MNAT1: variants seen among roughly 807,000 people sequenced by gnomAD.
MNAT1 encodes MNAT1 component of CDK activating kinase, also known as CDK-activating kinase assembly factor MAT1.
In MNAT1, 43 loss-of-function variants were observed where a neutral mutation model predicts 42.0. That is an observed-to-expected ratio of 1.02 (90% CI 0.80 to 1.32). MNAT1 has a LOEUF of 1.32. Ranked by LOEUF, MNAT1 falls within the 40% of genes most tolerant of loss-of-function variation. MNAT1 has a pLI of 0.00. For missense variants in MNAT1, 306 were observed against 350.4 expected, an observed-to-expected ratio of 0.87 and a Z score of 1.01; for synonymous variants, 118 against 120.0, an observed-to-expected ratio of 0.98 and a Z score of 0.11.
chr14:60,785,539 G>T (rs931091688), intron 1 of MNAT1, among the ~76,000 whole-genome samples: 2 of 152,176 alleles, frequency 1.3e-5, no homozygotes, highest in Non-Finnish European at 2.9e-5. Context: ...ATTTCACCTT[G>T]AGTTAAGCAT....
intron 6 of MNAT1, among the ~76,000 whole-genome samples, chr14:60,865,269 A>C (rs1207898140): frequency 6.6e-6 from 1 of 152,096 alleles, no homozygotes; most frequent in Non-Finnish European, 1.5e-5. Flanking sequence ...GTATTTGTAG[A>C]TAATTTTATA....
intron 7 of MNAT1, among the ~76,000 whole-genome samples, chr14:60,921,191 A>G (rs2035651976): frequency 6.6e-6 from 1 of 152,150 alleles, no homozygotes; most frequent in African/African-American, 2.4e-5. Context: ...TTTCAGAAAT[A>G]GAGATTATGA....
At chr14:60,808,511 A>C (rs1265251691) in intron 4 of MNAT1, 83 bp downstream of exon 4, 1 of 807,280 alleles carries the variant, frequency 1.2e-6, no homozygotes, top group African/African-American at 1.8e-5. Context: ...TCTTCCTTTA[A>C]ACCAGTTACA....
At chr14:60,844,818 GA>G (rs2033643506) in intron 6 of MNAT1, among the ~76,000 whole-genome samples, 1 of 151,944 alleles carries the variant, frequency 6.6e-6, no homozygotes, top group South Asian at 2.1e-4. Flanking sequence ...CTAGAGTACT[GA>G]AATTTTTGAA....
chr14:60,965,100 C>G (rs893187526), intron 7 of MNAT1, among the ~76,000 whole-genome samples: 1 of 152,132 alleles, frequency 6.6e-6, no homozygotes, highest in Non-Finnish European at 1.5e-5. Context: ...GCAGGACTCT[C>G]AACGACTCAT....
chr14:60,812,168 C>T, intron 5 of MNAT1, 41 bp downstream of exon 5: 1 of 1,472,514 alleles, frequency 6.8e-7, no homozygotes, highest in Non-Finnish European at 9.0e-7. Flanking sequence ...AAACATTCTT[C>T]AGGATTTACC....
chr14:60,795,255 G>A (rs539617954), intron 1 of MNAT1, among the ~76,000 whole-genome samples: 2 of 152,282 alleles, frequency 1.3e-5, no homozygotes, highest in Admixed American at 6.5e-5. Context: ...AGACTCAGAG[G>A]CTAAAGGAAC....
chr14:60,750,351 C>A (rs1396421216), intron 1 of MNAT1, among the ~76,000 whole-genome samples: 1 of 151,630 alleles, frequency 6.6e-6, no homozygotes, highest in East Asian at 1.9e-4. Context: ...CTCAGCCTCC[C>A]GAGTAGCTGG....
At chr14:60,940,548 G>T (rs2036126830) in intron 7 of MNAT1, among the ~76,000 whole-genome samples, 1 of 152,154 alleles carries the variant, frequency 6.6e-6, no homozygotes, top group African/African-American at 2.4e-5. Flanking sequence ...CTCCCGAGTA[G>T]CTGGGACTAC....
At chr14:60,936,352 T>C (rs1289876061) in intron 7 of MNAT1, among the ~76,000 whole-genome samples, 2 of 151,526 alleles carry the variant, frequency 1.3e-5, no homozygotes, top group Non-Finnish European at 2.9e-5. Flanking sequence ...TAACATTAGG[T>C]ATATCTCCTA....
chr14:60,816,722 A>C (rs1289849264), intron 5 of MNAT1, among the ~76,000 whole-genome samples: 2 of 152,004 alleles, frequency 1.3e-5, no homozygotes, highest in African/African-American at 4.8e-5. Flanking sequence ...CACATAGTTT[A>C]TTTTACTCCA....
intron 1 of MNAT1, among the ~76,000 whole-genome samples, chr14:60,790,164 A>G (rs941408140): frequency 2.6e-4 from 39 of 152,138 alleles, no homozygotes; most frequent in Admixed American, 5.2e-4. Context: ...TTCATAGGTC[A>G]TTGTAAAAAT....
rs759753237 is a variant in MNAT1 at position 60,808,317 on chromosome 14, T to C, written c.317-8T>C. ...ATTTTTCATGTCATCGTTTCCTTTCTAATGCAGTTTTCAACTTGACCAACA... is the reference window on the plus strand; with the variant it reads ...ATTTTTCATGTCATCGTTTCCTTTCCAATGCAGTTTTCAACTTGACCAACA... On this transcript the variant is annotated splice_polypyrimidine_tract_variant and splice_region_variant and intron_variant, in intron 3 of 7. Transcript: ENST00000261245. The C allele has an allele frequency of 6.5e-7, 1 of 1,529,134 alleles. No homozygotes were observed. Among genetic ancestry groups the C allele is most frequent in the Non-Finnish European group, 8.8e-7 (1 of 1,133,704 alleles). 94.7% of individuals were successfully genotyped at this position (1,529,134 alleles called of 1,614,324 possible).
chr14:60,881,002 A>T (rs1230377715), intron 7 of MNAT1, among the ~76,000 whole-genome samples: 1 of 152,228 alleles, frequency 6.6e-6, no homozygotes, highest in East Asian at 1.9e-4. Context: ...AAGAGCCAGA[A>T]TCGTGTATCT....
At chr14:60,887,334 A>C in intron 7 of MNAT1, among the ~76,000 whole-genome samples, 1 of 150,312 alleles carries the variant, frequency 6.7e-6, no homozygotes. Context: ...GGTGTGCTGT[A>C]CCCATTAACT....
intron 6 of MNAT1, among the ~76,000 whole-genome samples, chr14:60,851,543 T>C (rs1035241257): frequency 1.3e-5 from 2 of 152,202 alleles, no homozygotes; most frequent in East Asian, 3.8e-4. Context: ...ATTAATATTT[T>C]TATTTTACTT....
chr14:60,803,002 G>T (rs1162839836), intron 3 of MNAT1, among the ~76,000 whole-genome samples: 1 of 147,750 alleles, frequency 6.8e-6, no homozygotes, highest in Admixed American at 6.9e-5. Context: ...GCACGATCTC[G>T]GCTCACTGCA....
At chr14:60,926,964 G>C (rs1232757639) in intron 7 of MNAT1, among the ~76,000 whole-genome samples, 1 of 152,032 alleles carries the variant, frequency 6.6e-6, no homozygotes, top group East Asian at 1.9e-4. Flanking sequence ...AGGCATTTAG[G>C]AGCTCTGTGT....
At chr14:60,905,737 A>G (rs1049603513) in intron 7 of MNAT1, among the ~76,000 whole-genome samples, 3 of 152,198 alleles carry the variant, frequency 2.0e-5, no homozygotes, top group African/African-American at 4.8e-5. Flanking sequence ...GCTCCAGAAG[A>G]AAGAGTGAAT....
Sources: gnomAD v4.1 joint callset for allele counts (sites outside exome capture counted in the v4.1 genomes callset) on GRCh38, gnomAD v4.1.1 for gene constraint, MANE v1.5 for transcripts, NCBI Gene and HGNC (gene_info 2026-07-23, HGNC 2026-07-21) for gene names.